Variants in KCNC4 observed in about 807,000 individuals in gnomAD.
The protein encoded by KCNC4 is voltage-gated potassium channel KCNC4.
In KCNC4, 23 loss-of-function variants were observed where a neutral mutation model predicts 42.8. The observed-to-expected ratio is 0.54, with a 90% CI of 0.39 to 0.76. KCNC4 has a LOEUF of 0.76. Ranked by LOEUF, KCNC4 falls within the 30% of genes least tolerant of loss-of-function variation. The pLI is 0.00. For synonymous variants in KCNC4, 422 were observed against 393.5 expected, an observed-to-expected ratio of 1.07 and a Z score of -0.86; for missense variants, 751 against 898.2, an observed-to-expected ratio of 0.84 and a Z score of 2.10.
downstream of KCNC4, among the ~76,000 whole-genome samples, chr1:110,283,788 T>C (rs2101097631): frequency 6.6e-6 from 1 of 152,338 alleles, no homozygotes; most frequent in South Asian, 2.1e-4. Context: ...TTCTTGAAAA[T>C]GACTGAAGTC....
chr1:110,278,427 C>T (rs146937965), intron 1 of KCNC4, among the ~76,000 whole-genome samples: 31 of 152,226 alleles, frequency 2.0e-4, no homozygotes, highest in African/African-American at 7.5e-4. Context: ...CTACTATCAT[C>T]CATGGATGCT....
chr1:110,211,671 C>G lies in KCNC4; in HGVS notation c.172C>G (p.Pro58Ala). ...CTACCGCAGCACCCTGCGCACCCTA[C>G]CGGGAACCCGCCTCGCCTGGCTGGC... Reference protein sequence around the residue: ...ETYRSTLRTLPGTRLAWLADP... With the variant: ...ETYRSTLRTLAGTRLAWLADP... Residue 58 changes from proline to alanine, a missense_variant, in exon 1 of 4, where the codon CCG becomes GCG. Physicochemically the swap from Pro to Ala is conservative, Grantham distance 27. This residue lies in a region of KCNC4 where 183 missense variants were observed against 255.8 expected (regional missense o/e 0.72). Coordinates refer to ENST00000438661, the MANE Select transcript of KCNC4 (RefSeq NM_001039574.3). The surrounding 1 kb of genome is among the most constrained non-coding windows in gnomAD (Gnocchi z 6.5). 1 of 1,612,450 alleles carries G rather than the reference C, an allele frequency of 6.2e-7. No homozygotes were observed.
rs1216741299 is a variant in KCNC4 at position 110,223,552 on chromosome 1, A to G, written c.1267A>G (p.Ile423Val). 1 of 1,613,940 alleles carries G rather than the reference A, an allele frequency of 6.2e-7. No individual in the cohort carries two copies. The highest frequency in any genetic ancestry group is 1.7e-5 in the Admixed American group (1 of 60,034). ...TAATGACCACACCGACTTCAAGAAC[A>G]TCCCCATTGGCTTCTGGTGGGCTGT... The part of the protein sequence containing the change: ...RGNDHTDFKN[I>V]PIGFWWAVVT... The change falls in exon 2 of 4, where the codon ATC becomes GTC. Residue 423 changes from isoleucine to valine, a missense_variant. Ile to Val is a conservative substitution (Grantham distance 29). Transcript: ENST00000438661. The surrounding 1 kb of genome is among the most constrained non-coding windows in gnomAD (Gnocchi z 7.5).
chr1:110,281,553 AAAACACAC>A lies in KCNC4; in HGVS notation n.31-979_31-972del, dbSNP rs955298875. Among the ~76,000 whole-genome samples, 14 of 117,708 alleles carry A rather than the reference AAAACACAC, an allele frequency of 1.2e-4. No homozygotes were observed. The South Asian group carries it at 1.3e-3, about 11-fold the overall frequency. 77.2% of individuals were successfully genotyped at this position (117,708 alleles called of 152,430 possible). ...CTTTATCTGACTCCCCACATATGTA[AAAACACAC>A]ACACACACACACACACACACACACA... is the stretch of plus-strand genomic sequence containing the variant. On this transcript the variant is annotated intron_variant and non_coding_transcript_variant, in intron 1 of 2. Transcript: ENST00000412512.
At chr1:110,227,459 A>G (rs1171752279) in intron 3 of KCNC4, among the ~76,000 whole-genome samples, 2 of 152,218 alleles carry the variant, frequency 1.3e-5, no homozygotes, top group Non-Finnish European at 2.9e-5. Context: ...GGGAATAGTG[A>G]TCTGGTGCCT....
chr1:110,223,850 A>G lies in KCNC4; in HGVS notation c.1565A>G (p.Asp522Gly). Reference sequence around the variant, plus strand: ...TCCCCCCGGGACAGCACCTGCAGTGATACCAGCCCCCCTGCCCGGGAAGAG... The same window carrying G: ...TCCCCCCGGGACAGCACCTGCAGTGGTACCAGCCCCCCTGCCCGGGAAGAG... ...ETSPRDSTCS[D>G]TSPPAREEGM... The change falls in exon 2 of 4, where the codon GAT (aspartate) becomes GGT (glycine). Residue 522 changes from aspartate to glycine, a missense_variant. Around this residue, in one of 4 missense-constraint regions of KCNC4, gnomAD observed 202 missense variants for 181.5 expected, o/e 1.11. Transcript: ENST00000438661. The surrounding 1 kb of genome is among the most constrained non-coding windows in gnomAD (Gnocchi z 7.5). The G allele has an allele frequency of 6.2e-7, 1 of 1,607,770 alleles. No homozygotes were observed. Among genetic ancestry groups the G allele is most frequent in the Non-Finnish European group, 8.5e-7 (1 of 1,175,378 alleles).
At chr1:110,234,751 A>G (rs549592339), downstream of KCNC4, 5 of 152,338 alleles carry the variant, frequency 3.3e-5, no homozygotes, top group Non-Finnish European at 7.3e-5. Context: ...TCCATCTTGC[A>G]CCAGGCTCTG....
intron 1 of KCNC4, chr1:110,256,630 A>T (rs1267605145): frequency 6.6e-6 from 1 of 152,260 alleles, no homozygotes; most frequent in African/African-American, 2.4e-5. Context: ...CGTCTCACTC[A>T]TAAAAGTCCA....
intron 2 of KCNC4, chr1:110,225,002 G>A (rs538358315): frequency 3.3e-5 from 5 of 152,346 alleles, no homozygotes; most frequent in Non-Finnish European, 5.9e-5. Context: ...TGGGTCTTCC[G>A]AAGGCCTTGA....
At chr1:110,246,209 C>T (rs1240390086) in exon 4 of KCNC4, 1 of 152,236 alleles carries the variant, frequency 6.6e-6, no homozygotes, top group African/African-American at 2.4e-5. Flanking sequence ...ATCTTGCAGC[C>T]TTTTCCAGAT....
At chr1:110,212,803 A>G (rs981951921) in intron 1 of KCNC4, among the ~76,000 whole-genome samples, 20 of 152,118 alleles carry the variant, frequency 1.3e-4, no homozygotes, top group Non-Finnish European at 1.5e-5. Flanking sequence ...GGAGGATACC[A>G]TGCCCCTGAG....
At chr1:110,257,669 C>T (rs139958765) in intron 1 of KCNC4, among the ~76,000 whole-genome samples, 295 of 146,118 alleles carry the variant, frequency 2.0e-3, no homozygotes, top group African/African-American at 7.0e-3. Context: ...TGCAGTAAGC[C>T]GAGATCGCGC....
chr1:110,227,734 G>A (rs570445979), intron 3 of KCNC4, among the ~76,000 whole-genome samples: 4 of 151,678 alleles, frequency 2.6e-5, no homozygotes, highest in Admixed American at 2.0e-4. Context: ...AGAGCTGAGT[G>A]CCACGCATCC....
chr1:110,253,487 G>A (rs572471951), downstream of KCNC4, among the ~76,000 whole-genome samples: 1 of 152,200 alleles, frequency 6.6e-6, no homozygotes, highest in Non-Finnish European at 1.5e-5. Context: ...ACATCTGTAT[G>A]TTATTGTTCA....
chr1:110,258,678 T>G (rs1659376867), intron 1 of KCNC4, among the ~76,000 whole-genome samples: 2 of 152,246 alleles, frequency 1.3e-5, no homozygotes. Context: ...CAGAGTCACC[T>G]AGGCTATGCT....
intron 3 of KCNC4, among the ~76,000 whole-genome samples, chr1:110,230,430 G>T (rs945138280): frequency 6.6e-6 from 1 of 152,238 alleles, no homozygotes; most frequent in Non-Finnish European, 1.5e-5. Context: ...GACACAACGA[G>T]CCGGGTGTGC....
intron 3 of KCNC4, among the ~76,000 whole-genome samples, chr1:110,230,508 G>A (rs185726987): frequency 2.0e-4 from 31 of 152,308 alleles, no homozygotes; most frequent in African/African-American, 7.0e-4. Flanking sequence ...AACCGAGGCC[G>A]CTATTTCTGT....
chr1:110,252,727 G>T (rs755951874), downstream of KCNC4, among the ~76,000 whole-genome samples: 3 of 152,136 alleles, frequency 2.0e-5, no homozygotes, highest in Non-Finnish European at 4.4e-5. Flanking sequence ...CTTCAAAAGA[G>T]ATATTATCTC....
At chr1:110,232,759 A>T in intron 3 of KCNC4, 152 bp from the exon 4 acceptor site, 1 of 1,535,798 alleles carries the variant, frequency 6.5e-7, no homozygotes, top group Non-Finnish European at 8.7e-7. Flanking sequence ...CTTAGCCCAC[A>T]CCCTGTGGGT....
Sources: allele counts gnomAD v4.1 joint callset (sites outside exome capture counted in the v4.1 genomes callset), GRCh38; gene constraint gnomAD v4.1.1; regional missense constraint gnomAD v4.1.1; non-coding constraint Gnocchi (gnomAD v3.1); transcripts MANE v1.5; gene names NCBI Gene and HGNC (gene_info 2026-07-23, HGNC 2026-07-21).